The following MAP3K7 variants were observed in gnomAD, a reference collection of about 807,000 sequenced individuals.
MAP3K7 encodes mitogen-activated protein kinase kinase kinase 7.
In MAP3K7, 21 loss-of-function variants were observed where a neutral mutation model predicts 84.8. The ratio of observed to expected loss-of-function variants is 0.25; its 90% CI spans 0.18 to 0.36. The LOEUF is 0.36. MAP3K7 is among the 10% of genes least tolerant of loss of function. The pLI is 1.00. For missense variants in MAP3K7, 503 were observed against 747.7 expected (o/e 0.67, Z 3.82); for synonymous variants, 241 against 247.7 (o/e 0.97, Z 0.25).
chr6:90,565,642 G>A (rs1279048859), intron 3 of MAP3K7, among the ~76,000 whole-genome samples: 2 of 152,114 alleles, frequency 1.3e-5, no homozygotes, highest in Non-Finnish European at 2.9e-5. Flanking sequence ...GTACAAAGAG[G>A]AGCTGGTACC....
At position 90,547,309 on chromosome 6, in the gene MAP3K7, T is replaced by G. The variant is rs201372555; in HGVS notation, c.1159A>C (p.Arg387=). The change falls in exon 11 of 17, where the codon AGG becomes CGG. Residue 387 remains arginine (R), a synonymous_variant. Coordinates refer to ENST00000369329, the MANE Select transcript of MAP3K7 (RefSeq NM_145331.3). Reference sequence around the variant, plus strand: ...ATTTCAGACATGTCAGCACTCATCCTCTTGCCCTCAGAGGTTGGGGGCAAG... The same window carrying G: ...ATTTCAGACATGTCAGCACTCATCCGCTTGCCCTCAGAGGTTGGGGGCAAG... ...ESLPPTSEGK[R]MSADMSEIEA... 183 of 1,612,992 alleles carry G rather than the reference T, an allele frequency of 1.1e-4. No homozygotes were observed. Among genetic ancestry groups the G allele is most frequent in the Non-Finnish European group, 1.4e-4 (167 of 1,179,530 alleles).
At chr6:90,547,947 G>C (rs918045028) in intron 10 of MAP3K7, 100 bp downstream of exon 10, 9 of 988,408 alleles carry the variant, frequency 9.1e-6, no homozygotes, top group Non-Finnish European at 1.3e-5. Context: ...AGAAAATTCA[G>C]GATTTATAAA....
chr6:90,573,874 G>A (rs1001892052), intron 1 of MAP3K7, among the ~76,000 whole-genome samples: 3 of 152,298 alleles, frequency 2.0e-5, no homozygotes, highest in South Asian at 2.1e-4. Flanking sequence ...CATTTCACTC[G>A]TCCTAGCCCT....
chr6:90,526,976 A>C (rs1055218940), intron 13 of MAP3K7, among the ~76,000 whole-genome samples: 5 of 152,298 alleles, frequency 3.3e-5, no homozygotes, highest in African/African-American at 1.2e-4. Context: ...AAAAATAAAA[A>C]GACACAAAAG....
In MAP3K7 at chr6:90,515,701, CT is replaced by C. The variant is rs1181820415; in HGVS notation, c.*799del. The C allele has an allele frequency of 6.6e-6, 1 of 150,590 alleles. No individual in the cohort carries two copies. Among genetic ancestry groups the C allele is most frequent in the Non-Finnish European group, 1.5e-5 (1 of 67,646 alleles). 9.3% of individuals were successfully genotyped at this position (150,590 alleles called of 1,614,324 possible). On this transcript the variant is annotated 3_prime_UTR_variant, in exon 17 of 17. Transcript: ENST00000369329. ...ATGATCATTTAAGCTCAATCATGTT[CT>C]TTTGCCTTTTAATTTCATTTAAGAG...
intron 1 of MAP3K7, 39 bp downstream of exon 1, chr6:90,586,725 C>G: frequency 6.5e-7 from 1 of 1,545,950 alleles, no homozygotes; most frequent in South Asian, 1.2e-5. Context: ...GGGGGCGGGG[C>G]AGGCCGGGAC....
chr6:90,584,441 T>C (rs909587122), intron 1 of MAP3K7, among the ~76,000 whole-genome samples: 26 of 152,062 alleles, frequency 1.7e-4, no homozygotes, highest in African/African-American at 5.1e-4. Context: ...CTGCCTGATA[T>C]TAGAAACAAA....
intron 11 of MAP3K7, among the ~76,000 whole-genome samples, chr6:90,545,554 T>G (rs1775977612): frequency 6.6e-6 from 1 of 152,110 alleles, no homozygotes; most frequent in African/African-American, 2.4e-5. Context: ...TGAGGGTATG[T>G]CCCGGTGAGT....
intron 9 of MAP3K7, among the ~76,000 whole-genome samples, chr6:90,549,295 G>A (rs1776104607): frequency 6.6e-6 from 1 of 152,152 alleles, no homozygotes; most frequent in Non-Finnish European, 1.5e-5. Flanking sequence ...TGGCGAGGAG[G>A]TGTTTGAAGT....
At position 90,541,973 on chromosome 6, in the gene MAP3K7, C is replaced by T. The variant is rs150996629; in HGVS notation, c.1291+2579G>A. Among the ~76,000 whole-genome samples the T allele has an allele frequency of 1.0e-3, 154 of 152,050 alleles. 1 individual carries two copies. In the East Asian group the frequency reaches 0.024, roughly 23 times the overall value. ...GCCAAAGGGAAGTATTAACGAAACT[C>T]TTATCCATGTAAATAAGATCTTTAA... On this transcript the variant is annotated intron_variant, in intron 12 of 16. Transcript: ENST00000369329.
At chr6:90,564,831 C>T (rs1776649141) in intron 3 of MAP3K7, among the ~76,000 whole-genome samples, 1 of 152,192 alleles carries the variant, frequency 6.6e-6, no homozygotes, top group Non-Finnish European at 1.5e-5. Context: ...TAAAACACTC[C>T]TCAGCAAATG....
chr6:90,572,989 A>G (rs1358752102), intron 1 of MAP3K7, among the ~76,000 whole-genome samples: 3 of 152,168 alleles, frequency 2.0e-5, no homozygotes, highest in East Asian at 3.9e-4. Flanking sequence ...TTAGCAAAAA[A>G]TCTGCATCTC....
At chr6:90,567,122 C>T (rs1398577223) in intron 3 of MAP3K7, among the ~76,000 whole-genome samples, 2 of 152,090 alleles carry the variant, frequency 1.3e-5, no homozygotes, top group Non-Finnish European at 2.9e-5. Flanking sequence ...AGAAGAAAAC[C>T]TAGGCAATAC....
In MAP3K7 at chr6:90,586,862, A is replaced by AGGC; in HGVS notation, c.19_21dup (p.Ala7dup). 1 of 1,610,198 alleles carries AGGC rather than the reference A, an allele frequency of 6.2e-7. No individual in the cohort carries two copies. Among genetic ancestry groups the AGGC allele is most frequent in the Non-Finnish European group, 8.5e-7 (1 of 1,178,320 alleles). On this transcript the variant is annotated inframe_insertion, in exon 1 of 17. Coordinates refer to ENST00000369329, the MANE Select transcript of MAP3K7 (RefSeq NM_145331.3). ...CCGGCCGAAGACGAGGAGGAGGAGG[A>AGGC]GGCGGCAGAGGCTGTAGACATGATC...
chr6:90,553,129 ATT>A (rs1042729492), intron 7 of MAP3K7, among the ~76,000 whole-genome samples: 1 of 152,060 alleles, frequency 6.6e-6, no homozygotes, highest in Non-Finnish European at 1.5e-5. Flanking sequence ...TTATGTATGT[ATT>A]TTTTTATTTT....
intron 12 of MAP3K7, chr6:90,542,395 A>T (rs1775880955): frequency 1.0e-6 from 1 of 981,844 alleles, no homozygotes; most frequent in African/African-American, 1.8e-5. Flanking sequence ...AATAAAAGGT[A>T]TTACTGAATA....
rs1381747772 is a variant in MAP3K7, at chr6:90,513,739, T to C, written c.*2762A>G. ...ACTTACTACCATTTGAAGACAGGAG[T>C]TGAGCGCTGAAAACCACACACATTT... On this transcript the variant is annotated 3_prime_UTR_variant, in exon 17 of 17. Transcript: ENST00000369329. 1.3e-5 allele frequency: 2 copies of C among 151,802 alleles called. No homozygotes were observed. Among genetic ancestry groups the C allele is most frequent in the Non-Finnish European group, 2.9e-5 (2 of 67,918 alleles). The allele number at this position is 151,802 out of a possible 1,614,324, so 9.4% of individuals were successfully genotyped here.
rs1460599626 is a variant in MAP3K7 at position 90,560,090 on chromosome 6, G to A, written c.468C>T (p.Asp156=). Reference sequence around the variant, plus strand: ...TTATAACTTACTTTGGTGGTTTCAGGTCCCTGTGAATTAGCGCTTTGGGTT... The same window carrying A: ...TTATAACTTACTTTGGTGGTTTCAGATCCCTGTGAATTAGCGCTTTGGGTT... ...SMQPKALIHR[D]LKPPNLLLVA... The change falls in exon 5 of 17, where the codon GAC becomes GAT. Residue 156 remains aspartate (D), a synonymous_variant. Coordinates refer to ENST00000369329, the MANE Select transcript of MAP3K7 (RefSeq NM_145331.3). The A allele has an allele frequency of 2.5e-6, 4 of 1,613,996 alleles. No individual in the cohort carries two copies. The East Asian group carries it at 6.7e-5, about 27-fold the overall frequency.
chr6:90,543,787 C>A (rs938413455), intron 12 of MAP3K7, among the ~76,000 whole-genome samples: 14 of 151,990 alleles, frequency 9.2e-5, no homozygotes, highest in African/African-American at 3.1e-4. Flanking sequence ...TTTGATAATA[C>A]ATTAATCAAT....
Sources: gnomAD v4.1 joint callset for allele counts (sites outside exome capture counted in the v4.1 genomes callset) on GRCh38, gnomAD v4.1.1 for gene constraint, MANE v1.5 for transcripts, NCBI Gene and HGNC (gene_info 2026-07-23, HGNC 2026-07-21) for gene names.